The following ATP8A2 variants were observed in gnomAD, a reference collection of about 807,000 sequenced individuals.
The protein encoded by ATP8A2 is phospholipid-transporting ATPase IB.
Under a neutral mutation model 165.6 loss-of-function variants are expected in ATP8A2, and 100 were observed. That is an observed-to-expected ratio of 0.60 (90% CI 0.51 to 0.71). The LOEUF (loss-of-function observed/expected upper bound fraction) is 0.71. Among genes scored for constraint, ATP8A2 ranks in the 30% least tolerant of loss-of-function variants. ATP8A2 has a pLI of 0.00. For synonymous variants in ATP8A2, 543 were observed against 548.8 expected, an observed-to-expected ratio of 0.99 and a Z score of 0.15; for missense variants, 1,227 against 1,479.5, an observed-to-expected ratio of 0.83 and a Z score of 2.80.
At chr13:25,716,621 G>A (rs1001317088) in intron 25 of ATP8A2, among the ~76,000 whole-genome samples, 1 of 152,184 alleles carries the variant, frequency 6.6e-6, no homozygotes, top group African/African-American at 2.4e-5. Context: ...ATTTTTAAAA[G>A]ATCACTGTCA....
intron 2 of ATP8A2, among the ~76,000 whole-genome samples, chr13:25,524,062 A>G (rs1014947648): frequency 2.0e-5 from 3 of 152,022 alleles, no homozygotes; most frequent in Non-Finnish European, 4.4e-5. Flanking sequence ...TTATATTTCC[A>G]TATCCATTTG....
chr13:25,696,646 C>A (rs2042840044), intron 24 of ATP8A2, among the ~76,000 whole-genome samples: 1 of 152,204 alleles, frequency 6.6e-6, no homozygotes, highest in Non-Finnish European at 1.5e-5. Context: ...AGCTCCCTCA[C>A]CTCTCTCAGC....
At chr13:25,954,051 T>C (rs137905349) in intron 33 of ATP8A2, among the ~76,000 whole-genome samples, 2,007 of 152,132 alleles carry the variant, frequency 0.013, 25 homozygotes, top group Middle Eastern at 0.058. Context: ...GGGAGCCAAG[T>C]AGTCTAGCTC....
intron 25 of ATP8A2, among the ~76,000 whole-genome samples, chr13:25,754,172 G>T (rs1429893507): frequency 6.6e-6 from 1 of 152,166 alleles, no homozygotes; most frequent in African/African-American, 2.4e-5. Flanking sequence ...TGCATAGCTG[G>T]GTTGTTTAAT....
At chr13:26,011,174 A>T (rs920010619) in intron 35 of ATP8A2, among the ~76,000 whole-genome samples, 1 of 152,126 alleles carries the variant, frequency 6.6e-6, no homozygotes. Context: ...TGCCGCAATA[A>T]AGTGCCATAG....
At chr13:25,997,835 T>C (rs940159665) in intron 35 of ATP8A2, among the ~76,000 whole-genome samples, 2 of 152,202 alleles carry the variant, frequency 1.3e-5, no homozygotes, top group Non-Finnish European at 2.9e-5. Flanking sequence ...TTTAAGTGTG[T>C]TCATAATTAC....
intron 24 of ATP8A2, among the ~76,000 whole-genome samples, chr13:25,644,791 T>C (rs971833079): frequency 6.6e-6 from 1 of 152,180 alleles, no homozygotes; most frequent in African/African-American, 2.4e-5. Context: ...AAGTTGTATA[T>C]ATGTAGAAAT....
At chr13:25,924,188 G>A (rs576573186) in intron 33 of ATP8A2, among the ~76,000 whole-genome samples, 1 of 152,336 alleles carries the variant, frequency 6.6e-6, no homozygotes, top group South Asian at 2.1e-4. Flanking sequence ...AATTAATGCA[G>A]TGGTCACAGA....
intron 25 of ATP8A2, among the ~76,000 whole-genome samples, chr13:25,729,153 C>G (rs2043560145): frequency 6.6e-6 from 1 of 152,228 alleles, no homozygotes; most frequent in East Asian, 1.9e-4. Flanking sequence ...ACTGAATTGC[C>G]TTTACATGGC....
chr13:25,421,784 C>T (rs188929786), intron 1 of ATP8A2, among the ~76,000 whole-genome samples: 8 of 152,312 alleles, frequency 5.3e-5, no homozygotes, highest in East Asian at 1.9e-4. Context: ...AGTGGCCCTA[C>T]GTGGTGCCAA....
chr13:25,615,196 G>A (rs1430055933), intron 24 of ATP8A2, among the ~76,000 whole-genome samples: 1 of 152,104 alleles, frequency 6.6e-6, no homozygotes, highest in African/African-American at 2.4e-5. Flanking sequence ...GACTGTCCTT[G>A]GGCAGGGCTT....
At chr13:25,769,389 T>G (rs1593317720) in intron 26 of ATP8A2, among the ~76,000 whole-genome samples, 160 bp downstream of exon 26, 1 of 152,282 alleles carries the variant, frequency 6.6e-6, no homozygotes, top group East Asian at 1.9e-4. Flanking sequence ...TCTCTGTAGT[T>G]GTGATCTTGT....
chr13:25,846,439 T>A (rs1593440301), intron 30 of ATP8A2, among the ~76,000 whole-genome samples: 1 of 152,160 alleles, frequency 6.6e-6, no homozygotes, highest in East Asian at 1.9e-4. Context: ...TGAGTCGGAA[T>A]GAGGTAGGAG....
chr13:26,017,276 G>A (rs957907682), intron 36 of ATP8A2, among the ~76,000 whole-genome samples: 3 of 152,196 alleles, frequency 2.0e-5, no homozygotes, highest in Non-Finnish European at 4.4e-5. Context: ...GTTCTGCCAG[G>A]CCCCCTCAGG....
At chr13:25,426,311 C>T (rs986877636) in intron 1 of ATP8A2, among the ~76,000 whole-genome samples, 1 of 152,104 alleles carries the variant, frequency 6.6e-6, no homozygotes, top group Non-Finnish European at 1.5e-5. Flanking sequence ...AGAGTAGGAG[C>T]AAGAGACAGA....
chr13:25,630,794 G>C (rs1289017595), intron 24 of ATP8A2, among the ~76,000 whole-genome samples: 1 of 151,856 alleles, frequency 6.6e-6, no homozygotes, highest in Non-Finnish European at 1.5e-5. Flanking sequence ...TTTATTTTCT[G>C]TTACTACTCT....
chr13:25,379,843 C>T (rs989602209), intron 1 of ATP8A2, among the ~76,000 whole-genome samples: 13 of 152,178 alleles, frequency 8.5e-5, no homozygotes, highest in African/African-American at 3.1e-4. Flanking sequence ...AATAAACAGT[C>T]TTTCTGGGTC....
intron 24 of ATP8A2, among the ~76,000 whole-genome samples, chr13:25,673,560 A>G (rs917323842): frequency 2.6e-5 from 4 of 152,210 alleles, no homozygotes; most frequent in Non-Finnish European, 4.4e-5. Context: ...CCTTAATTTC[A>G]TGATGTTTTA....
At chr13:25,599,827 T>G in intron 24 of ATP8A2, among the ~76,000 whole-genome samples, 1 of 152,218 alleles carries the variant, frequency 6.6e-6, no homozygotes, top group East Asian at 1.9e-4. Context: ...CATGGACAGC[T>G]AATATCTTTT....
Sources: allele counts gnomAD v4.1 joint callset (sites outside exome capture counted in the v4.1 genomes callset), GRCh38; gene constraint gnomAD v4.1.1; transcripts MANE v1.5; gene names NCBI Gene and HGNC (gene_info 2026-07-23, HGNC 2026-07-21).